The following TRIO variants were observed in gnomAD, a reference collection of about 807,000 sequenced individuals.
The protein encoded by TRIO is trio Rho guanine nucleotide exchange factor.
Under a neutral mutation model 351.9 loss-of-function variants are expected in TRIO, and 58 were observed. That is an observed-to-expected ratio of 0.16 (90% confidence interval 0.13 to 0.21). The LOEUF (loss-of-function observed/expected upper bound fraction) is 0.21. Among genes scored for constraint, TRIO ranks in the 10% least tolerant of loss-of-function variants. The probability of loss-of-function intolerance (pLI) is 1.00; values close to 1 mark genes in which losing one functional copy is unlikely to be tolerated. For synonymous variants in TRIO, 1,758 were observed against 1,595.7 expected (o/e 1.10, Z -2.42); for missense variants, 3,201 against 4,027.8 (o/e 0.79, Z 5.56).
intron 1 of TRIO, among the ~76,000 whole-genome samples, chr5:14,179,188 C>T (rs1477852765): frequency 1.3e-5 from 2 of 152,176 alleles, no homozygotes; most frequent in African/African-American, 4.8e-5. Flanking sequence ...CGCTTTGGCC[C>T]CACCCCCCAC....
rs975580668 is a variant in TRIO, at chr5:14,487,825, C to G, written c.7197C>G (p.Ala2399=). Residue 2399 remains alanine, a synonymous_variant, in exon 48 of 57, where the codon GCC becomes GCG. Coordinates refer to ENST00000344204, the MANE Select transcript of TRIO (RefSeq NM_007118.4). ...APSRRPPGAD[A]EGSEREAEPI... Reference sequence around the variant, plus strand: ...GCAGGCGGCCCCCCGGCGCGGACGCCGAGGGGTCCGAGCGAGAAGCGGAGC... The same window carrying G: ...GCAGGCGGCCCCCCGGCGCGGACGCGGAGGGGTCCGAGCGAGAAGCGGAGC... The G allele has an allele frequency of 3.4e-6, 5 of 1,491,170 alleles. No individual in the cohort carries two copies. The African/African-American group carries it at 5.9e-5, about 18-fold the overall frequency. 92.4% of individuals were successfully genotyped at this position (1,491,170 alleles called of 1,614,324 possible).
intron 34 of TRIO, 55 bp downstream of exon 34, chr5:14,420,076 G>T (rs1008969422): frequency 6.3e-7 from 1 of 1,583,332 alleles, no homozygotes; most frequent in African/African-American, 1.3e-5. Context: ...GCCCTGGAGC[G>T]CTCTGTCTCC....
chr5:14,342,469 G>C (rs1005220592), intron 11 of TRIO, among the ~76,000 whole-genome samples: 1 of 152,230 alleles, frequency 6.6e-6, no homozygotes, highest in African/African-American at 2.4e-5. Context: ...TTCCAGTGCA[G>C]GGCCTGTCAC....
chr5:14,505,474 G>A (rs1757608354), intron 55 of TRIO, among the ~76,000 whole-genome samples: 1 of 152,336 alleles, frequency 6.6e-6, no homozygotes, highest in Middle Eastern at 3.4e-3. Flanking sequence ...CACCATTTGG[G>A]AAGTTTGCAT....
chr5:14,388,004 G>A (rs932036966), intron 23 of TRIO, 157 bp downstream of exon 23: 13 of 651,736 alleles, frequency 2.0e-5, no homozygotes, highest in East Asian at 2.8e-5. Context: ...ACTTCGCTGC[G>A]TTCACTGTCC....
chr5:14,168,899 G>T (rs572893400), intron 1 of TRIO, among the ~76,000 whole-genome samples: 3 of 152,208 alleles, frequency 2.0e-5, no homozygotes, highest in Non-Finnish European at 2.9e-5. Context: ...CTGGCATTCC[G>T]CTCCTGGCGG....
intron 12 of TRIO, among the ~76,000 whole-genome samples, chr5:14,358,713 A>G (rs535972293): frequency 3.9e-5 from 6 of 152,370 alleles, no homozygotes; most frequent in African/African-American, 1.4e-4. Context: ...AGAGCACAGC[A>G]GTATTCACCT....
chr5:14,325,424 GA>G (rs1054208039), intron 9 of TRIO, among the ~76,000 whole-genome samples: 5 of 152,196 alleles, frequency 3.3e-5, no homozygotes, highest in African/African-American at 9.7e-5. Context: ...TGCGTGTACA[GA>G]ACACACGGCG....
chr5:14,466,020 G>C (rs1754229458), intron 37 of TRIO: 1 of 256,402 alleles, frequency 3.9e-6, no homozygotes, highest in African/African-American at 2.2e-5. Context: ...GTGTCTGTTT[G>C]GGCTCAGACG....
In TRIO at chr5:14,401,031, A is replaced by G; in HGVS notation, c.4683A>G (p.Arg1561=). The change falls in exon 31 of 57, where the codon AGA becomes AGG. Residue 1561 remains arginine (R), a synonymous_variant. Coordinates refer to ENST00000344204, the MANE Select transcript of TRIO (RefSeq NM_007118.4). ...DPCKFALWVG[R]TPTSDNKIVL... The stretch of plus-strand genomic sequence containing the variant: ...GCAAATTTGCACTGTGGGTGGGGAG[A>G]ACACCAACTTCAGATAATAAAATTG... 1.2e-6 allele frequency: 2 copies of G among 1,614,040 alleles called. No individual in the cohort carries two copies. The highest frequency in any genetic ancestry group is 1.7e-6 in the Non-Finnish European group (2 of 1,180,004).
intron 28 of TRIO, among the ~76,000 whole-genome samples, chr5:14,394,642 G>A (rs1463859094): frequency 6.6e-6 from 1 of 152,172 alleles, no homozygotes; most frequent in Admixed American, 6.5e-5. Flanking sequence ...CCTCTGTCTT[G>A]TTGCTTGTCC....
intron 1 of TRIO, among the ~76,000 whole-genome samples, chr5:14,236,874 TA>T (rs1363196293): frequency 1.3e-5 from 2 of 152,134 alleles, no homozygotes; most frequent in Non-Finnish European, 2.9e-5. Context: ...CCCAAGCAAC[TA>T]CCAGGTGACT....
At chr5:14,297,386 A>G (rs770236098) in intron 7 of TRIO, 123 bp downstream of exon 7, 1 of 1,187,824 alleles carries the variant, frequency 8.4e-7, no homozygotes, top group Non-Finnish European at 1.1e-6. Flanking sequence ...GTGAGCTCTG[A>G]AGTCACTTGG....
intron 40 of TRIO, among the ~76,000 whole-genome samples, chr5:14,474,607 A>G (rs528835914): frequency 7.8e-4 from 119 of 152,364 alleles, no homozygotes; most frequent in African/African-American, 2.8e-3. Context: ...CATCTTTAGA[A>G]TAAATACAAG....
chr5:14,508,591 C>G lies in TRIO; in HGVS notation c.*169C>G, dbSNP rs1757881077. 1 of 844,690 alleles carries G rather than the reference C, an allele frequency of 1.2e-6. No individual in the cohort carries two copies. The highest frequency in any genetic ancestry group is 1.8e-6 in the Non-Finnish European group (1 of 556,408). 52.3% of individuals were successfully genotyped at this position (844,690 alleles called of 1,614,324 possible). ...CAGTGCTTGGACACAGAGCTGCAAG[C>G]TGCGCTGGGGTGGAGGACCGTCACT... On this transcript the variant is annotated 3_prime_UTR_variant, in exon 57 of 57. Transcript: ENST00000344204.
chr5:14,378,872 T>C (rs764855465), intron 20 of TRIO, among the ~76,000 whole-genome samples: 2 of 152,166 alleles, frequency 1.3e-5, no homozygotes, highest in Non-Finnish European at 2.9e-5. Context: ...GAATTTCTAA[T>C]AATTTAGTAT....
intron 1 of TRIO, among the ~76,000 whole-genome samples, chr5:14,185,959 G>C (rs1208773275): frequency 1.3e-5 from 2 of 152,194 alleles, no homozygotes; most frequent in African/African-American, 4.8e-5. Context: ...CCGATTCCTA[G>C]TTGTGCCCTA....
rs749893619 is a variant in TRIO, at chr5:14,270,905, G to GT, written c.232+9dup. 2 of 1,609,478 alleles carry GT rather than the reference G, an allele frequency of 1.2e-6. No homozygotes were observed. The highest frequency in any genetic ancestry group is 2.7e-5 in the African/African-American group (2 of 74,834). ...AAAAGTTGCATACCTTTCAGGTAAAGTTTAACTTTCAACTCTGCTCTATCC... is the reference window on the plus strand; with the variant it reads ...AAAAGTTGCATACCTTTCAGGTAAAGTTTTAACTTTCAACTCTGCTCTATCC... On this transcript the variant is annotated splice_region_variant and intron_variant, in intron 2 of 56. Coordinates refer to ENST00000344204, the MANE Select transcript of TRIO (RefSeq NM_007118.4).
At chr5:14,488,784 TGGG>T (rs1279416665) in intron 48 of TRIO, 2 of 590,822 alleles carry the variant, frequency 3.4e-6, no homozygotes, top group South Asian at 2.0e-5. Context: ...GATGAAAAAA[TGGG>T]GGGAAAGAAT....
Sources: allele counts gnomAD v4.1 joint callset (sites outside exome capture counted in the v4.1 genomes callset), GRCh38; gene constraint gnomAD v4.1.1; transcripts MANE v1.5; gene names NCBI Gene and HGNC (gene_info 2026-07-23, HGNC 2026-07-21).